Variants in SPOCK1 observed in about 807,000 individuals in gnomAD.
The protein encoded by SPOCK1 is SPARC (osteonectin), cwcv and kazal like domains proteoglycan 1.
In SPOCK1, 23 loss-of-function variants were observed where a neutral mutation model predicts 55.3. That is an observed-to-expected ratio of 0.42 (90% CI 0.30 to 0.59). SPOCK1 has a LOEUF of 0.59. Ranked by LOEUF, SPOCK1 falls within the 20% of genes least tolerant of loss-of-function variation. The probability of loss-of-function intolerance (pLI) is 0.22; values close to 1 mark genes in which losing one functional copy is unlikely to be tolerated. For missense variants in SPOCK1, 499 were observed against 552.5 expected (o/e 0.90, Z 0.97); for synonymous variants, 226 against 221.0 (o/e 1.02, Z -0.20).
chr5:137,102,906 G>A (rs542055319), intron 5 of SPOCK1, among the ~76,000 whole-genome samples: 6 of 152,168 alleles, frequency 3.9e-5, no homozygotes, highest in Admixed American at 1.3e-4. Flanking sequence ...TTTTTCTGTC[G>A]TTATTATTAT....
At chr5:137,415,348 G>C (rs899959000) in intron 2 of SPOCK1, among the ~76,000 whole-genome samples, 1 of 152,186 alleles carries the variant, frequency 6.6e-6, no homozygotes, top group African/African-American at 2.4e-5. Flanking sequence ...ATTTGTGAGG[G>C]AGGAGGAGAA....
intron 2 of SPOCK1, among the ~76,000 whole-genome samples, chr5:137,361,746 T>C (rs1490337469): frequency 6.6e-6 from 1 of 152,144 alleles, no homozygotes; most frequent in Non-Finnish European, 1.5e-5. Flanking sequence ...GATTCAGAAA[T>C]AAGATTACAT....
rs111797296 is a variant in SPOCK1 at position 137,001,531 on chromosome 5, C to G, written c.590-8931G>C. 2.5e-3 allele frequency among the ~76,000 whole-genome samples: 380 copies of G among 152,294 alleles called. 1 individual carries two copies. The highest frequency in any genetic ancestry group is 5.0e-3 in the Admixed American group (77 of 15,294). ...CTCATCTATGACAACCCCATTCTCC[C>G]CAAGAAAATACCTCCTCCACAAGAT... On this transcript the variant is annotated intron_variant, in intron 6 of 10. Coordinates refer to ENST00000394945, the MANE Select transcript of SPOCK1 (RefSeq NM_004598.4).
intron 3 of SPOCK1, among the ~76,000 whole-genome samples, chr5:137,213,711 C>A (rs528736046): frequency 6.6e-6 from 1 of 152,298 alleles, no homozygotes; most frequent in South Asian, 2.1e-4. Flanking sequence ...GGGAACAATA[C>A]CTCCTTCTTG....
intron 2 of SPOCK1, among the ~76,000 whole-genome samples, chr5:137,418,058 G>C (rs1019653549): frequency 6.6e-6 from 1 of 152,138 alleles, no homozygotes; most frequent in Non-Finnish European, 1.5e-5. Context: ...TGTGGTGTTT[G>C]ATTTGTTGTC....
intron 2 of SPOCK1, among the ~76,000 whole-genome samples, chr5:137,446,870 A>G (rs1753141197): frequency 6.6e-6 from 1 of 152,176 alleles, no homozygotes; most frequent in Non-Finnish European, 1.5e-5. Flanking sequence ...GCGTTTGACT[A>G]CTTTAGATAC....
chr5:137,276,641 C>A (rs1456827764), intron 2 of SPOCK1, among the ~76,000 whole-genome samples: 10 of 152,228 alleles, frequency 6.6e-5, no homozygotes, highest in African/African-American at 2.2e-4. Flanking sequence ...AGCTCCACAA[C>A]TTCTTCCCCT....
Position 137,306,926 on chromosome 5 carries a change from C to T in SPOCK1, c.187-39871G>A, listed in dbSNP as rs1381324098. Among the ~76,000 whole-genome samples, 4 of 152,180 alleles carry T rather than the reference C, an allele frequency of 2.6e-5. No individual in the cohort carries two copies. The East Asian group carries it at 5.8e-4, about 22-fold the overall frequency. ...GCACCCATGTTTGAACAACTGCAATCTCTGAGTTTACTGCTCTCTCTGGAA... is the reference window on the plus strand; with the variant it reads ...GCACCCATGTTTGAACAACTGCAATTTCTGAGTTTACTGCTCTCTCTGGAA... On this transcript the variant is annotated intron_variant, in intron 2 of 10. Transcript: ENST00000394945.
At chr5:137,310,045 A>C (rs1356784482) in intron 2 of SPOCK1, among the ~76,000 whole-genome samples, 4 of 152,134 alleles carry the variant, frequency 2.6e-5, no homozygotes, top group Non-Finnish European at 5.9e-5. Context: ...GCCTAAAGAG[A>C]GCATAGACTT....
intron 6 of SPOCK1, among the ~76,000 whole-genome samples, chr5:137,050,985 T>C (rs1752195161): frequency 6.6e-6 from 1 of 152,238 alleles, no homozygotes; most frequent in South Asian, 2.1e-4. Flanking sequence ...TCTAAAGTTA[T>C]CAATTCTTCT....
chr5:137,435,413 T>C (rs1433399877), intron 2 of SPOCK1, among the ~76,000 whole-genome samples: 2 of 152,304 alleles, frequency 1.3e-5, no homozygotes, highest in African/African-American at 2.4e-5. Context: ...TAAAACTCTT[T>C]TCTTTCCTTT....
chr5:137,451,775 A>G (rs1023203392), intron 2 of SPOCK1, among the ~76,000 whole-genome samples: 3 of 152,244 alleles, frequency 2.0e-5, no homozygotes, highest in African/African-American at 7.2e-5. Flanking sequence ...AGATGCTGCC[A>G]GCAGAATCCA....
chr5:137,006,616 C>G (rs1400618395), intron 6 of SPOCK1, among the ~76,000 whole-genome samples: 1 of 152,186 alleles, frequency 6.6e-6, no homozygotes, highest in East Asian at 1.9e-4. Context: ...ATGGGGTTTT[C>G]TAAATATGCA....
At chr5:137,448,765 G>A (rs779346517) in intron 2 of SPOCK1, among the ~76,000 whole-genome samples, 2 of 152,120 alleles carry the variant, frequency 1.3e-5, no homozygotes, top group African/African-American at 4.8e-5. Flanking sequence ...CAGGTTCTCC[G>A]TTGTTTCATC....
intron 2 of SPOCK1, among the ~76,000 whole-genome samples, chr5:137,399,627 C>T (rs1229037633): frequency 6.6e-6 from 1 of 152,096 alleles, no homozygotes; most frequent in Non-Finnish European, 1.5e-5. Flanking sequence ...ATGGGTGAAC[C>T]CCAAAGACCA....
At chr5:137,278,940 C>A (rs1757121712) in intron 2 of SPOCK1, among the ~76,000 whole-genome samples, 1 of 152,190 alleles carries the variant, frequency 6.6e-6, no homozygotes, top group African/African-American at 2.4e-5. Flanking sequence ...ATGCCATGAA[C>A]AACTGGCTGT....
intron 8 of SPOCK1, among the ~76,000 whole-genome samples, chr5:136,987,814 G>T (rs911130566): frequency 6.6e-6 from 1 of 152,174 alleles, no homozygotes; most frequent in African/African-American, 2.4e-5. Context: ...ACAGAGGGAG[G>T]TAAAGTCAGG....
intron 2 of SPOCK1, among the ~76,000 whole-genome samples, chr5:137,471,510 G>A (rs553275229): frequency 1.3e-4 from 20 of 152,278 alleles, no homozygotes; most frequent in South Asian, 4.1e-4. Context: ...AGTAGTCACC[G>A]CTATTCCTAT....
intron 6 of SPOCK1, among the ~76,000 whole-genome samples, chr5:137,009,366 A>T (rs1168641325): frequency 2.0e-5 from 3 of 152,208 alleles, no homozygotes; most frequent in African/African-American, 7.2e-5. Context: ...CCACCAATGG[A>T]AAAACTATAA....
Sources: allele counts gnomAD v4.1 joint callset (sites outside exome capture counted in the v4.1 genomes callset), GRCh38; gene constraint gnomAD v4.1.1; transcripts MANE v1.5; gene names NCBI Gene and HGNC (gene_info 2026-07-23, HGNC 2026-07-21).